The following CATSPERE variants were observed in gnomAD, a reference collection of about 807,000 sequenced individuals.
The protein encoded by CATSPERE is cation channel sperm-associated auxiliary subunit epsilon.
Under a neutral mutation model 114.1 loss-of-function variants are expected in CATSPERE, and 93 were observed. That is an observed-to-expected ratio of 0.81 (90% CI 0.69 to 0.97). The LOEUF is 0.97. Among genes scored for constraint, CATSPERE ranks in the 50% least tolerant of loss-of-function variants. CATSPERE has a pLI of 0.00. For missense variants in CATSPERE, 1,058 were observed against 1,131.6 expected (o/e 0.93, Z 0.93); for synonymous variants, 341 against 384.1 (o/e 0.89, Z 1.31).
intron 9 of CATSPERE, among the ~76,000 whole-genome samples, chr1:244,558,467 C>T (rs938520501): frequency 2.6e-5 from 4 of 151,942 alleles, no homozygotes; most frequent in South Asian, 2.1e-4. Flanking sequence ...GGCTGAAATT[C>T]CTCATCTCTT....
At chr1:244,569,538 T>C (rs1664138904) in intron 10 of CATSPERE, among the ~76,000 whole-genome samples, 1 of 152,232 alleles carries the variant, frequency 6.6e-6, no homozygotes, top group Non-Finnish European at 1.5e-5. Flanking sequence ...GAGTTTGGTA[T>C]TTAGAATTTG....
intron 19 of CATSPERE, among the ~76,000 whole-genome samples, chr1:244,614,051 C>A (rs770515018): frequency 1.3e-5 from 2 of 152,188 alleles, no homozygotes; most frequent in African/African-American, 2.4e-5. Flanking sequence ...AGAGTCCCCA[C>A]CAGGAAGATG....
At chr1:244,518,742 T>A in intron 8 of CATSPERE, 44 bp downstream of exon 8, 1 of 1,037,820 alleles carries the variant, frequency 9.6e-7, no homozygotes. Context: ...TATGAAAACT[T>A]AAACTAGATT....
At chr1:244,638,718 G>A in intron 21 of CATSPERE, among the ~76,000 whole-genome samples, 1 of 152,094 alleles carries the variant, frequency 6.6e-6, no homozygotes, top group East Asian at 1.9e-4. Flanking sequence ...ATCCGTCAGG[G>A]CAATTACATA....
At chr1:244,609,136 A>C (rs1325025859) in intron 18 of CATSPERE, among the ~76,000 whole-genome samples, 1 of 151,982 alleles carries the variant, frequency 6.6e-6, no homozygotes, top group Non-Finnish European at 1.5e-5. Context: ...CAGTGAGCCG[A>C]GATTGTACCA....
Position 244,468,603 on chromosome 1 carries a change from G to A in CATSPERE, c.114+4647G>A, listed in dbSNP as rs185735364. Among the ~76,000 whole-genome samples, 667 of 152,196 alleles carry A rather than the reference G, an allele frequency of 4.4e-3. 6 individuals are homozygous for A. The highest frequency in any genetic ancestry group is 6.7e-3 in the Non-Finnish European group (455 of 68,016). ...ATATTACAAAACCAATGATATTGCA[G>A]CTGATTTGAAAGTGATATTAAGAGA... On this transcript the variant is annotated intron_variant, in intron 2 of 21. Transcript: ENST00000366534.
At chr1:244,463,801 A>G in intron 1 of CATSPERE, 107 bp from the exon 2 acceptor site, 1 of 960,138 alleles carries the variant, frequency 1.0e-6, no homozygotes, top group Non-Finnish European at 1.7e-6. Flanking sequence ...AATGAGGCAG[A>G]AAGGTGACAC....
chr1:244,490,385 A>T lies in CATSPERE; in HGVS notation c.327-62A>T, dbSNP rs543393071. On this transcript the variant is annotated intron_variant, in intron 5 of 21. Transcript: ENST00000366534. ...TTAGAAACATGTATCTTGAAAGTAG[A>T]ATATTCGACCTAATGTTTAACAGGC... 9.5e-5 allele frequency: 104 copies of T among 1,095,616 alleles called. No individual in the cohort carries two copies. The East Asian group carries it at 2.3e-3, about 24-fold the overall frequency. The allele number at this position is 1,095,616 out of a possible 1,614,324, so 67.9% of individuals were successfully genotyped here. A position where few individuals can be genotyped will look rare whatever the true frequency, so the allele number is the denominator to read the frequency against.
chr1:244,572,241 A>G (rs1281381786), intron 10 of CATSPERE, 89 bp from the exon 11 acceptor site: 3 of 687,916 alleles, frequency 4.4e-6, no homozygotes, highest in Admixed American at 2.9e-5. Flanking sequence ...GTCATTATCA[A>G]AGAAATTATT....
At chr1:244,530,612 G>C (rs918524498) in intron 8 of CATSPERE, among the ~76,000 whole-genome samples, 1 of 152,138 alleles carries the variant, frequency 6.6e-6, no homozygotes, top group African/African-American at 2.4e-5. Context: ...GCTTTGGGTA[G>C]TGCAGACATT....
chr1:244,598,182 C>T (rs1668695327), intron 17 of CATSPERE, among the ~76,000 whole-genome samples: 1 of 152,182 alleles, frequency 6.6e-6, no homozygotes, highest in African/African-American at 2.4e-5. Flanking sequence ...TCATCAAGCT[C>T]AATCATATCT....
intron 17 of CATSPERE, among the ~76,000 whole-genome samples, chr1:244,601,995 A>G (rs190314811): frequency 1.3e-5 from 2 of 151,534 alleles, no homozygotes; most frequent in East Asian, 3.9e-4. Context: ...AGGGAAGGAG[A>G]AGAAGGGGAA....
intron 19 of CATSPERE, among the ~76,000 whole-genome samples, chr1:244,616,794 G>C (rs1671453412): frequency 6.6e-6 from 1 of 152,192 alleles, no homozygotes; most frequent in African/African-American, 2.4e-5. Flanking sequence ...TAGTAACCTT[G>C]AAGGATGTTG....
chr1:244,464,766 CT>C (rs931800091), intron 2 of CATSPERE, among the ~76,000 whole-genome samples: 2 of 151,974 alleles, frequency 1.3e-5, no homozygotes, highest in African/African-American at 4.8e-5. Context: ...TTTTGAGCAT[CT>C]CTTCGCATAT....
intron 7 of CATSPERE, 50 bp downstream of exon 7, chr1:244,499,129 C>A: frequency 7.2e-7 from 1 of 1,385,518 alleles, no homozygotes; most frequent in Non-Finnish European, 1.0e-6. Context: ...TGCTGCCTTT[C>A]TTTTGTAGGG....
At chr1:244,617,409 TA>T (rs1327382885) in intron 19 of CATSPERE, 119 bp from the exon 20 acceptor site, 2 of 744,450 alleles carry the variant, frequency 2.7e-6, no homozygotes, top group East Asian at 2.9e-5. Context: ...ACTGCAGGGG[TA>T]AAATAGAAGG....
intron 8 of CATSPERE, among the ~76,000 whole-genome samples, chr1:244,533,139 C>T (rs1679868296): frequency 6.7e-6 from 1 of 148,454 alleles, no homozygotes; most frequent in Non-Finnish European, 1.5e-5. Flanking sequence ...TGGTTTTTGT[C>T]TTGAAATCTA....
chr1:244,498,396 G>A (rs1162079330), intron 6 of CATSPERE, among the ~76,000 whole-genome samples: 10 of 152,180 alleles, frequency 6.6e-5, no homozygotes. Context: ...GGAATTGAGT[G>A]ATGGAGTACA....
At chr1:244,609,516 A>G (rs1328147380) in intron 18 of CATSPERE, among the ~76,000 whole-genome samples, 1 of 152,040 alleles carries the variant, frequency 6.6e-6, no homozygotes, top group Non-Finnish European at 1.5e-5. Flanking sequence ...ACACCCAGCT[A>G]ATTTTTATAT....
Sources: allele counts gnomAD v4.1 joint callset (sites outside exome capture counted in the v4.1 genomes callset), GRCh38; gene constraint gnomAD v4.1.1; transcripts MANE v1.5; gene names NCBI Gene and HGNC (gene_info 2026-07-23, HGNC 2026-07-21).